The following SWT1 variants were observed in gnomAD, a reference collection of about 807,000 sequenced individuals.
SWT1 encodes the protein SWT1 RNA endoribonuclease homolog, also known as transcriptional protein SWT1.
A neutral mutation model predicts 107.3 loss-of-function variants in SWT1; 33 were observed. The ratio of observed to expected loss-of-function variants is 0.31; its 90% CI spans 0.23 to 0.41. The LOEUF is 0.41. Among genes scored for constraint, SWT1 ranks in the 10% least tolerant of loss-of-function variants. The pLI is 1.00. For missense variants in SWT1, 898 were observed against 1,028.9 expected, an observed-to-expected ratio of 0.87 and a Z score of 1.74; for synonymous variants, 345 against 348.3, an observed-to-expected ratio of 0.99 and a Z score of 0.11.
Position 185,255,935 on chromosome 1 carries a change from T to C in SWT1, c.2442-15388T>C, listed in dbSNP as rs946526078. ...GGCTGGTACCGGTTGTTCGTTTCCA[T>C]GTTTAGCGCTTCCTTCAGGAGCTCT... On this transcript the variant is annotated intron_variant, in intron 16 of 18. Transcript: ENST00000367500. Among the ~76,000 whole-genome samples the C allele has an allele frequency of 7.0e-3, 1,058 of 152,026 alleles. 12 individuals are homozygous for C. Among genetic ancestry groups the C allele is most frequent in the Non-Finnish European group, 0.01 (686 of 67,956 alleles).
intron 16 of SWT1, among the ~76,000 whole-genome samples, chr1:185,241,579 A>G (rs781352123): frequency 6.4e-4 from 97 of 152,092 alleles, no homozygotes; most frequent in Non-Finnish European, 4.7e-4. Flanking sequence ...TATTTTTTAT[A>G]ATTTATTTTA....
Position 185,160,893 on chromosome 1 carries a change from A to C in SWT1, c.52A>C (p.Thr18Pro). The C allele has an allele frequency of 1.2e-6, 2 of 1,613,232 alleles. No homozygotes were observed. The highest frequency in any genetic ancestry group is 1.7e-6 in the Non-Finnish European group (2 of 1,179,586). Residue 18 changes from threonine (T) to proline (P), a missense_variant, in exon 2 of 19, where the codon ACC becomes CCC. Thr to Pro is a conservative substitution (Grantham distance 38). Transcript: ENST00000367500. ...GKKETSQRKDTTTSSPNFGEK... is the reference protein window; with the variant it reads ...GKKETSQRKDPTTSSPNFGEK... ...AAAAGAGACATCTCAGAGGAAAGAC[A>C]CCACCACCTCATCACCCAATTTTGG...
chr1:185,157,520 C>G (rs1653711128), intron 1 of SWT1: 1 of 150,182 alleles, frequency 6.7e-6, no homozygotes, highest in African/African-American at 2.5e-5. Flanking sequence ...GGGGCTGCCC[C>G]TTGCCCGGTG....
At position 185,190,617 on chromosome 1, in the gene SWT1, C is replaced by A; in HGVS notation, c.1498C>A (p.Pro500Thr). The change falls in exon 10 of 19, where the codon CCT (proline) becomes ACT (threonine). Residue 500 changes from proline (P) to threonine (T), a missense_variant. This residue lies in a region of SWT1 where 382 missense variants were observed against 460.0 expected (regional missense o/e 0.83). Coordinates refer to ENST00000367500, the MANE Select transcript of SWT1 (RefSeq NM_017673.7). ...CTGTCTCCAGCACCAGGAATTATTC[C>A]CTTGTTCTTTTGTTATTCTGTGCAC... ...KCCLQHQELF[P>T]CSFVILCTDD... The A allele has an allele frequency of 6.2e-7, 1 of 1,607,692 alleles. No individual in the cohort carries two copies. Among genetic ancestry groups the A allele is most frequent in the Non-Finnish European group, 8.5e-7 (1 of 1,174,706 alleles).
At chr1:185,246,401 C>A (rs1177255399) in intron 16 of SWT1, among the ~76,000 whole-genome samples, 1 of 151,904 alleles carries the variant, frequency 6.6e-6, no homozygotes, top group Non-Finnish European at 1.5e-5. Flanking sequence ...CTCAGCCTCC[C>A]GAGTAGCTGG....
At chr1:185,196,716 T>C (rs1482500790) in intron 10 of SWT1, among the ~76,000 whole-genome samples, 1 of 152,186 alleles carries the variant, frequency 6.6e-6, no homozygotes, top group East Asian at 1.9e-4. Context: ...TTGTAAGTTG[T>C]ATTCCTAGAT....
intron 18 of SWT1, among the ~76,000 whole-genome samples, chr1:185,281,981 A>G (rs987946280): frequency 2.8e-4 from 42 of 152,236 alleles, no homozygotes; most frequent in South Asian, 4.1e-4. Flanking sequence ...GCAAATGGAT[A>G]GAGGGACTGA....
intron 10 of SWT1, among the ~76,000 whole-genome samples, chr1:185,191,649 A>G (rs1247868861): frequency 6.6e-6 from 1 of 152,184 alleles, no homozygotes; most frequent in Non-Finnish European, 1.5e-5. Context: ...GTTTTAAATT[A>G]TATTTTGATC....
At chr1:185,206,341 G>A (rs995721577) in intron 12 of SWT1, among the ~76,000 whole-genome samples, 2 of 152,108 alleles carry the variant, frequency 1.3e-5, no homozygotes, top group East Asian at 1.9e-4. Flanking sequence ...GTAGATTGAA[G>A]GACCTTAGCT....
chr1:185,159,367 A>T (rs1297318137), intron 1 of SWT1, among the ~76,000 whole-genome samples: 3 of 152,236 alleles, frequency 2.0e-5, no homozygotes, highest in Admixed American at 2.0e-4. Context: ...CCGAATAAAC[A>T]TAAACATAAG....
At chr1:185,204,598 AT>A (rs1571496866) in intron 11 of SWT1, 101 bp from the exon 12 acceptor site, 1 of 487,864 alleles carries the variant, frequency 2.0e-6, no homozygotes, top group East Asian at 3.7e-5. Context: ...TATAATTAAA[AT>A]ATATACATAA....
At chr1:185,159,056 T>G (rs750473022) in intron 1 of SWT1, among the ~76,000 whole-genome samples, 1 of 152,198 alleles carries the variant, frequency 6.6e-6, no homozygotes, top group Non-Finnish European at 1.5e-5. Flanking sequence ...GCTGTTTGAG[T>G]GTCCTCATGA....
chr1:185,187,169 G>A lies in SWT1; in HGVS notation c.1429+2238G>A, dbSNP rs563224381. On this transcript the variant is annotated intron_variant, in intron 9 of 18. Transcript: ENST00000367500. ...CTAGCTCCACCTTCAAGAGCTTCTCGTGCCTCAGCCTCCTAGAGTAGCTGG... is the reference window on the plus strand; with the variant it reads ...CTAGCTCCACCTTCAAGAGCTTCTCATGCCTCAGCCTCCTAGAGTAGCTGG... 1.0e-4 allele frequency among the ~76,000 whole-genome samples: 15 copies of A among 145,022 alleles called. No homozygotes were observed. The South Asian group carries it at 2.4e-3, about 23-fold the overall frequency.
intron 10 of SWT1, among the ~76,000 whole-genome samples, chr1:185,198,468 C>G (rs1485765408): frequency 6.6e-6 from 1 of 152,178 alleles, no homozygotes; most frequent in Non-Finnish European, 1.5e-5. Flanking sequence ...GAGCTGAGTT[C>G]AAGTCCTGGA....
intron 14 of SWT1, among the ~76,000 whole-genome samples, chr1:185,217,551 A>C (rs1389647202): frequency 6.6e-6 from 1 of 151,942 alleles, no homozygotes; most frequent in African/African-American, 2.4e-5. Context: ...CTGATTCTAC[A>C]TTATGGTGAG....
intron 10 of SWT1, among the ~76,000 whole-genome samples, chr1:185,198,695 GT>G (rs991294508): frequency 4.0e-5 from 6 of 150,926 alleles, no homozygotes; most frequent in Non-Finnish European, 7.4e-5. Flanking sequence ...GCCTTTCTTT[GT>G]CTCTTTTGAT....
intron 10 of SWT1, 36 bp downstream of exon 10, chr1:185,190,678 A>G (rs774728722): frequency 8.1e-7 from 1 of 1,236,110 alleles, no homozygotes; most frequent in Non-Finnish European, 1.2e-6. Flanking sequence ...TTATTTTTAA[A>G]AAATAAACCA....
intron 16 of SWT1, among the ~76,000 whole-genome samples, chr1:185,261,718 G>T (rs883753): frequency 0.47 from 70,642 of 151,048 alleles, 17,366 homozygotes; most frequent in African/African-American, 0.62. Flanking sequence ...GGATTTTGGG[G>T]TAGTATGTTG....
chr1:185,216,951 C>CAAAA (rs1292913416), intron 14 of SWT1, among the ~76,000 whole-genome samples: 3 of 96,746 alleles, frequency 3.1e-5, no homozygotes, highest in Non-Finnish European at 6.7e-5. Context: ...GACTCCATTT[C>CAAAA]AAAAAAAAAA....
Sources: gnomAD v4.1 joint callset for allele counts (sites outside exome capture counted in the v4.1 genomes callset) on GRCh38, gnomAD v4.1.1 for gene constraint, gnomAD v4.1.1 regional missense constraint, MANE v1.5 for transcripts, NCBI Gene and HGNC (gene_info 2026-07-23, HGNC 2026-07-21) for gene names.